The following MLXIPL variants were observed in gnomAD, a reference collection of about 807,000 sequenced individuals.
The protein encoded by MLXIPL is MLX interacting protein like, also known as carbohydrate-responsive element-binding protein.
In MLXIPL, 49 loss-of-function variants were observed where a neutral mutation model predicts 81.5. The ratio of observed to expected loss-of-function variants is 0.60; its 90% CI spans 0.48 to 0.76. The LOEUF is 0.76. Ranked by LOEUF, MLXIPL falls within the 30% of genes least tolerant of loss-of-function variation. The pLI, the probability that MLXIPL is intolerant of heterozygous loss-of-function variation, is 0.00. For synonymous variants in MLXIPL, 466 were observed against 485.5 expected (o/e 0.96, Z 0.53); for missense variants, 1,053 against 1,167.0 (o/e 0.90, Z 1.42).
chr7:73,630,551 C>G, the MLXIPL span, among the ~76,000 whole-genome samples: 1 of 152,134 alleles, frequency 6.6e-6, no homozygotes, highest in African/African-American at 2.4e-5. Context: ...CCTTGGTCTC[C>G]CAAAGTGCTG....
In MLXIPL at chr7:73,597,236, G is replaced by C; in HGVS notation, c.1549C>G (p.Pro517Ala). The C allele has an allele frequency of 1.2e-6, 2 of 1,603,664 alleles. No homozygotes were observed. Among genetic ancestry groups the C allele is most frequent in the Non-Finnish European group, 1.7e-6 (2 of 1,177,400 alleles). The change falls in exon 9 of 17, where the codon CCC (proline) becomes GCC (alanine). Residue 517 changes from proline (P) to alanine (A), a missense_variant. Transcript: ENST00000313375. Reference sequence around the variant, plus strand: ...TTGTTGCTCCCCGCAGTGGTGGGGGGACTGGCAGTGGCAGGGGCTAAGGTA... The same window carrying C: ...TTGTTGCTCCCCGCAGTGGTGGGGGCACTGGCAGTGGCAGGGGCTAAGGTA... Reference protein sequence around the residue: ...PPTLAPATASPPTTAGSNNPC... With the variant: ...PPTLAPATASAPTTAGSNNPC...
At position 73,616,076 on chromosome 7, in the gene MLXIPL, A is replaced by G; in HGVS notation, c.395T>C (p.Ile132Thr). ...GGCTGGTGGTAGCCACTCACACTGG[A>G]TATACCAGGCCCTCCAGATGGCGTT... The part of the protein sequence containing the change: ...LNNAIWRAWY[I>T]QYVKRRKSPV... Residue 132 changes from isoleucine to threonine, a missense_variant, in exon 2 of 17, where the codon ATC becomes ACC. Coordinates refer to ENST00000313375, the MANE Select transcript of MLXIPL (RefSeq NM_032951.3). 1 of 1,613,582 alleles carries G rather than the reference A, an allele frequency of 6.2e-7. No individual in the cohort carries two copies. The highest frequency in any genetic ancestry group is 1.1e-5 in the South Asian group (1 of 91,068).
At chr7:73,644,162 C>T in the MLXIPL span, among the ~76,000 whole-genome samples, 1 of 151,792 alleles carries the variant, frequency 6.6e-6, no homozygotes, top group African/African-American at 2.4e-5. Flanking sequence ...CCTCCCAAAG[C>T]TCTGATATTA....
chr7:73,644,826 C>T, the MLXIPL span, among the ~76,000 whole-genome samples: 4 of 152,216 alleles, frequency 2.6e-5, no homozygotes, highest in African/African-American at 4.8e-5. Context: ...TGCCCAGAAT[C>T]TCCTGGCCTC....
the MLXIPL span, among the ~76,000 whole-genome samples, chr7:73,632,850 G>A: frequency 6.6e-6 from 1 of 150,450 alleles, no homozygotes; most frequent in Non-Finnish European, 1.5e-5. Context: ...CGCGATCTCA[G>A]CTCACTGCAA....
the MLXIPL span, among the ~76,000 whole-genome samples, chr7:73,643,290 G>A: frequency 3.3e-5 from 5 of 152,058 alleles, no homozygotes; most frequent in African/African-American, 4.8e-5. Context: ...CGAGGCGGGC[G>A]GATCACGAGG....
chr7:73,644,606 T>C, the MLXIPL span, among the ~76,000 whole-genome samples: 1 of 152,192 alleles, frequency 6.6e-6, no homozygotes, highest in Non-Finnish European at 1.5e-5. Context: ...CAGTGGTACC[T>C]GGTAAATGTG....
At chr7:73,622,983 G>A (rs1429622291) in intron 1 of MLXIPL, among the ~76,000 whole-genome samples, 1 of 152,148 alleles carries the variant, frequency 6.6e-6, no homozygotes, top group Non-Finnish European at 1.5e-5. Flanking sequence ...AGGCAGTCGC[G>A]TGACATTTGG....
At chr7:73,610,852 C>T (rs1795645210) in intron 2 of MLXIPL, 1 of 152,002 alleles carries the variant, frequency 6.6e-6, no homozygotes, top group Non-Finnish European at 1.5e-5. Context: ...AAGATGAAGT[C>T]TCACTCTGTC....
At chr7:73,640,282 G>A in the MLXIPL span, among the ~76,000 whole-genome samples, 1 of 151,344 alleles carries the variant, frequency 6.6e-6, no homozygotes, top group East Asian at 1.9e-4. Context: ...GCAAGCACCT[G>A]TAGTCCCAGC....
rs782578202 is a variant in MLXIPL at position 73,596,827 on chromosome 7, G to A, written c.1671+38C>T. The A allele has an allele frequency of 1.7e-5, 27 of 1,608,570 alleles. No individual in the cohort carries two copies. The highest frequency in any genetic ancestry group is 1.0e-4 in the Admixed American group (6 of 59,196). On this transcript the variant is annotated intron_variant, in intron 10 of 16. Coordinates refer to ENST00000313375, the MANE Select transcript of MLXIPL (RefSeq NM_032951.3). The surrounding 1 kb of genome is among the most constrained non-coding windows in gnomAD (Gnocchi z 4.7). ...AGGGCGGAGAGTCGGGTTGAAGGCC[G>A]TGGGCACAGCCCCACCGCCCAGTGC...
intron 2 of MLXIPL, 77 bp downstream of exon 2, chr7:73,615,994 A>G (rs1298019958): frequency 8.6e-7 from 1 of 1,165,366 alleles, no homozygotes; most frequent in African/African-American, 1.5e-5. Context: ...CTGGGCAGCC[A>G]CCATGTAGAA....
intron 1 of MLXIPL, among the ~76,000 whole-genome samples, chr7:73,620,394 ACT>A (rs1372305819): frequency 6.6e-6 from 1 of 151,568 alleles, no homozygotes; most frequent in Non-Finnish European, 1.5e-5. Context: ...TCACAGCGAG[ACT>A]CTGTCTCAAC....
At position 73,596,457 on chromosome 7, in the gene MLXIPL, C is replaced by G; in HGVS notation, c.1845G>C (p.Gly615=). ...APSGSERRLS[G]DLSSMPGPGT... is the part of the protein sequence containing the mutation. ...CAGGGCCTGGCATGGAGCTGAGGTC[C>G]CCTGACAGCCGCCGTTCACTGCCTG... is the stretch of plus-strand genomic sequence containing the variant. The change falls in exon 12 of 17, where the codon GGG becomes GGC. Residue 615 remains glycine (G), a synonymous_variant. Coordinates refer to ENST00000313375, the MANE Select transcript of MLXIPL (RefSeq NM_032951.3). This position sits in a 1 kb window ranked among gnomAD's most constrained non-coding sequence, Gnocchi z 4.7. 6.2e-7 allele frequency: 1 copy of G among 1,612,814 alleles called. No individual in the cohort carries two copies. The highest frequency in any genetic ancestry group is 8.5e-7 in the Non-Finnish European group (1 of 1,179,970).
In MLXIPL at chr7:73,624,194, C is replaced by A; in HGVS notation, c.293+6G>T. The A allele has an allele frequency of 6.3e-7, 1 of 1,581,564 alleles. No homozygotes were observed. Among genetic ancestry groups the A allele is most frequent in the East Asian group, 2.3e-5 (1 of 43,288 alleles). On this transcript the variant is annotated splice_donor_region_variant and intron_variant, in intron 1 of 16. Transcript: ENST00000313375. ...CAAGGCCGTCAGGGCCCGGAACCGC[C>A]CTCACCTGTAGGCCAGGCTCAAGCA...
chr7:73,594,572 G>A (rs533331567), intron 15 of MLXIPL, among the ~76,000 whole-genome samples, 169 bp from the exon 16 acceptor site: 3 of 151,122 alleles, frequency 2.0e-5, no homozygotes, highest in Non-Finnish European at 3.0e-5. Context: ...TTTTTGAGAC[G>A]GAGTCTCGCT....
At chr7:73,604,465 C>T (rs947660619) in intron 7 of MLXIPL, among the ~76,000 whole-genome samples, 3 of 150,492 alleles carry the variant, frequency 2.0e-5, no homozygotes, top group South Asian at 2.1e-4. Flanking sequence ...CCCAGCTACT[C>T]GGGAGGCTGA....
At chr7:73,642,306 T>A in the MLXIPL span, among the ~76,000 whole-genome samples, 17 of 152,118 alleles carry the variant, frequency 1.1e-4, no homozygotes, top group Admixed American at 3.3e-4. Context: ...AGAAGCTCCA[T>A]GAAGCCCAAC....
At chr7:73,644,486 A>C in the MLXIPL span, among the ~76,000 whole-genome samples, 2 of 152,170 alleles carry the variant, frequency 1.3e-5, no homozygotes, top group East Asian at 3.9e-4. Context: ...TTAAAATTGC[A>C]GACACGAGCC....
Sources: allele counts gnomAD v4.1 joint callset (sites outside exome capture counted in the v4.1 genomes callset), GRCh38; gene constraint gnomAD v4.1.1; non-coding constraint Gnocchi (gnomAD v3.1); transcripts MANE v1.5; gene names NCBI Gene and HGNC (gene_info 2026-07-23, HGNC 2026-07-21).